JADE1: variants seen among roughly 807,000 people sequenced by gnomAD.
JADE1 encodes jade family PHD finger 1.
In JADE1, 14 loss-of-function variants were observed where a neutral mutation model predicts 81.8. That is an observed-to-expected ratio of 0.17 (90% CI 0.11 to 0.27). The LOEUF is 0.27. Ranked by LOEUF, JADE1 falls within the 10% of genes least tolerant of loss-of-function variation. The probability of loss-of-function intolerance (pLI) is 1.00; values close to 1 mark genes in which losing one functional copy is unlikely to be tolerated. For missense variants in JADE1, 690 were observed against 1,047.9 expected (o/e 0.66, Z 4.71); for synonymous variants, 353 against 391.9 (o/e 0.90, Z 1.17).
In JADE1 at chr4:128,872,251, T is replaced by C. The variant is rs1732252502; in HGVS notation, c.2518T>C (p.Leu840=). Residue 840 remains leucine (L), a synonymous_variant, in exon 11 of 11, where the codon TTG becomes CTG. Transcript: ENST00000226319. ...RRTDIIRRSI[L]AS ...GACAGACATTATCAGGAGAAGCATC[T>C]TGGCTTCTTGATGCAACAGAGATGA... 6.2e-7 allele frequency: 1 copy of C among 1,613,094 alleles called. No individual in the cohort carries two copies. The highest frequency in any genetic ancestry group is 1.3e-5 in the African/African-American group (1 of 74,920).
chr4:128,812,162 G>A (rs1395709459), intron 1 of JADE1, among the ~76,000 whole-genome samples: 1 of 151,924 alleles, frequency 6.6e-6, no homozygotes, highest in Non-Finnish European at 1.5e-5. Flanking sequence ...GGGCGGCGGC[G>A]GCGGGGACGC....
chr4:128,870,286 G>A (rs749165972), intron 10 of JADE1, among the ~76,000 whole-genome samples: 3 of 152,082 alleles, frequency 2.0e-5, no homozygotes, highest in South Asian at 2.1e-4. Context: ...GTTCTGAGTC[G>A]CTAGCTATGT....
chr4:128,847,793 C>G (rs766335297), intron 4 of JADE1, among the ~76,000 whole-genome samples: 1 of 152,180 alleles, frequency 6.6e-6, no homozygotes, highest in African/African-American at 2.4e-5. Flanking sequence ...ATGTCAGTGT[C>G]ACGTAGATAA....
chr4:128,855,848 T>C, intron 7 of JADE1, 51 bp downstream of exon 7: 1 of 1,491,966 alleles, frequency 6.7e-7, no homozygotes, highest in East Asian at 2.3e-5. Flanking sequence ...AGACAGAGTT[T>C]AACTCTGTCG....
At chr4:128,855,259 T>C (rs1730694252) in intron 6 of JADE1, among the ~76,000 whole-genome samples, 1 of 152,246 alleles carries the variant, frequency 6.6e-6, no homozygotes, top group Non-Finnish European at 1.5e-5. Context: ...GAGGACTTAC[T>C]GAGGACTTAC....
At chr4:128,868,027 A>G in intron 10 of JADE1, 54 bp downstream of exon 10, 2 of 848,148 alleles carry the variant, frequency 2.4e-6, no homozygotes, top group Non-Finnish European at 1.9e-6. Flanking sequence ...TGTAAGCTTT[A>G]ACACTGTTGA....
intron 1 of JADE1, among the ~76,000 whole-genome samples, chr4:128,826,112 T>C (rs918072066): frequency 1.4e-4 from 22 of 152,248 alleles, no homozygotes; most frequent in African/African-American, 5.3e-4. Flanking sequence ...GTAGCTATTA[T>C]GTTTCTCGTG....
intron 1 of JADE1, among the ~76,000 whole-genome samples, chr4:128,812,274 C>T (rs752321844): frequency 2.9e-4 from 44 of 151,976 alleles, no homozygotes; most frequent in Non-Finnish European, 4.6e-4. Flanking sequence ...CCCCTCCTCC[C>T]GCGCTGTTGT....
At chr4:128,860,820 G>A (rs1204053013) in intron 8 of JADE1, among the ~76,000 whole-genome samples, 1 of 152,132 alleles carries the variant, frequency 6.6e-6, no homozygotes, top group African/African-American at 2.4e-5. Context: ...TCCCTGTGAC[G>A]CATGGGAAGG....
chr4:128,866,285 T>G (rs1382501685), intron 9 of JADE1, among the ~76,000 whole-genome samples: 1 of 152,114 alleles, frequency 6.6e-6, no homozygotes, highest in Non-Finnish European at 1.5e-5. Flanking sequence ...AAATTTAAAA[T>G]AAGACAGGAA....
At chr4:128,866,436 G>A (rs759660804) in intron 9 of JADE1, among the ~76,000 whole-genome samples, 2 of 152,222 alleles carry the variant, frequency 1.3e-5, no homozygotes, top group Non-Finnish European at 2.9e-5. Flanking sequence ...GTGAAAGCCT[G>A]TGTTCTGTCT....
rs1354801405 is a variant in JADE1, at chr4:128,862,964, T to C, written c.1503+739T>C. On this transcript the variant is annotated intron_variant, in intron 9 of 10. Transcript: ENST00000226319. ...TCTGTTGTGTGTCTGTGTGCGGGTA[T>C]GGGTGGGATTCCTGGTGGACAGGGG... is the stretch of plus-strand genomic sequence containing the variant. The C allele has an allele frequency of 3.0e-6, 3 of 985,872 alleles. No homozygotes were observed. The East Asian group carries it at 3.4e-4, about 112-fold the overall frequency. The allele number at this position is 985,872 out of a possible 1,614,324, so 61.1% of individuals were successfully genotyped here.
intron 1 of JADE1, among the ~76,000 whole-genome samples, chr4:128,820,978 G>A (rs1727512705): frequency 6.6e-6 from 1 of 152,124 alleles, no homozygotes. Context: ...GGAATAATGG[G>A]TTGTAGAATC....
intron 1 of JADE1, among the ~76,000 whole-genome samples, chr4:128,828,492 G>A (rs999311636): frequency 6.6e-6 from 1 of 152,204 alleles, no homozygotes; most frequent in African/African-American, 2.4e-5. Context: ...ATTCTGCTGA[G>A]CACTAACCCC....
At chr4:128,827,486 C>G (rs1424636010) in intron 1 of JADE1, among the ~76,000 whole-genome samples, 1 of 152,134 alleles carries the variant, frequency 6.6e-6, no homozygotes, top group African/African-American at 2.4e-5. Context: ...GCAGAGTGTT[C>G]AGGGAAGAAG....
chr4:128,843,763 G>A (rs1221628434), intron 3 of JADE1, among the ~76,000 whole-genome samples: 1 of 152,166 alleles, frequency 6.6e-6, no homozygotes, highest in Non-Finnish European at 1.5e-5. Flanking sequence ...GCTTTGCTTT[G>A]TGCTGCTTCT....
intron 9 of JADE1, chr4:128,863,140 C>A: frequency 7.1e-6 from 7 of 985,556 alleles, no homozygotes; most frequent in Non-Finnish European, 7.2e-6. Context: ...GTGCCTCCCC[C>A]ACTTTCCATC....
intron 5 of JADE1, among the ~76,000 whole-genome samples, chr4:128,850,239 G>C (rs183812549): frequency 7.2e-5 from 11 of 151,928 alleles, no homozygotes; most frequent in African/African-American, 1.7e-4. Flanking sequence ...AGTCACTTGA[G>C]GGGGTGGAGG....
At chr4:128,841,540 G>GTA (rs1729433443) in intron 2 of JADE1, among the ~76,000 whole-genome samples, 1 of 152,210 alleles carries the variant, frequency 6.6e-6, no homozygotes, top group South Asian at 2.1e-4. Flanking sequence ...AGTCATCAAA[G>GTA]TAGGAATGTA....
Sources: allele counts gnomAD v4.1 joint callset (sites outside exome capture counted in the v4.1 genomes callset), GRCh38; gene constraint gnomAD v4.1.1; transcripts MANE v1.5; gene names NCBI Gene and HGNC (gene_info 2026-07-23, HGNC 2026-07-21).